SS18: variants seen among roughly 807,000 people sequenced by gnomAD.
SS18 encodes protein SSXT.
Under a neutral mutation model 72.5 loss-of-function variants are expected in SS18, and 28 were observed. That is an observed-to-expected ratio of 0.39 (90% CI 0.29 to 0.53). The LOEUF (loss-of-function observed/expected upper bound fraction) is 0.53, where lower values mean the gene tolerates loss of function less well. Ranked by LOEUF, SS18 falls within the 20% of genes least tolerant of loss-of-function variation. The pLI is 0.76. For synonymous variants in SS18, 172 were observed against 164.2 expected (o/e 1.05, Z -0.37); for missense variants, 518 against 535.3 (o/e 0.97, Z 0.32).
intron 4 of SS18, among the ~76,000 whole-genome samples, chr18:26,054,161 GAAT>G: frequency 6.6e-6 from 1 of 151,830 alleles, no homozygotes; most frequent in Non-Finnish European, 1.5e-5. Context: ...GTTGTTTAGG[GAAT>G]AATGACAAGA....
chr18:26,059,293 T>C (rs1488349284), intron 3 of SS18, among the ~76,000 whole-genome samples: 1 of 152,160 alleles, frequency 6.6e-6, no homozygotes, highest in African/African-American at 2.4e-5. Flanking sequence ...CACAATTATC[T>C]TGGCTTTTTC....
intron 2 of SS18, among the ~76,000 whole-genome samples, chr18:26,082,070 C>CA (rs1025031587): frequency 6.9e-6 from 1 of 145,406 alleles, no homozygotes; most frequent in Admixed American, 6.8e-5. Context: ...AAAAACAAAA[C>CA]AAAAAAAAAG....
intron 3 of SS18, among the ~76,000 whole-genome samples, chr18:26,059,547 G>C (rs1249611314): frequency 6.6e-6 from 1 of 152,180 alleles, no homozygotes; most frequent in Non-Finnish European, 1.5e-5. Flanking sequence ...ACAAAGACTG[G>C]AGTGTAGGCC....
rs1215496285 is a variant in SS18 at position 26,017,628 on chromosome 18, C to A, written c.*726G>T. On this transcript the variant is annotated 3_prime_UTR_variant, in exon 11 of 11. Transcript: ENST00000415083. Reference sequence around the variant, plus strand: ...ATTTTAAAACAGTATTATAAATGATCTTTATAAAAAGGTTTAATCCACAAA... The same window carrying A: ...ATTTTAAAACAGTATTATAAATGATATTTATAAAAAGGTTTAATCCACAAA... The A allele has an allele frequency of 9.7e-6, 2 of 205,526 alleles. No individual in the cohort carries two copies. Among genetic ancestry groups the A allele is most frequent in the African/African-American group, 4.6e-5 (2 of 43,840 alleles). 12.7% of individuals were successfully genotyped at this position (205,526 alleles called of 1,614,324 possible).
intron 5 of SS18, among the ~76,000 whole-genome samples, chr18:26,051,956 C>G (rs1421708920): frequency 6.7e-6 from 1 of 149,734 alleles, no homozygotes; most frequent in Non-Finnish European, 1.5e-5. Context: ...TTAATTCTAT[C>G]TTACAGTCTT....
intron 2 of SS18, chr18:26,085,887 G>T (rs1341107284): frequency 1.3e-5 from 2 of 152,040 alleles, no homozygotes; most frequent in African/African-American, 4.8e-5. Context: ...ACAAAGCAAG[G>T]GCCAAGGTTG....
At chr18:26,083,519 AG>A (rs1450304058) in intron 2 of SS18, among the ~76,000 whole-genome samples, 1 of 152,174 alleles carries the variant, frequency 6.6e-6, no homozygotes, top group African/African-American at 2.4e-5. Context: ...CTACACACCT[AG>A]GCTATACAGT....
intron 10 of SS18, among the ~76,000 whole-genome samples, chr18:26,020,113 G>A (rs1270623043): frequency 1.3e-5 from 2 of 152,104 alleles, no homozygotes; most frequent in Non-Finnish European, 2.9e-5. Flanking sequence ...TAGCATACTG[G>A]AGCTTATTAT....
At chr18:26,043,586 C>G (rs554979514) in intron 5 of SS18, among the ~76,000 whole-genome samples, 4 of 152,260 alleles carry the variant, frequency 2.6e-5, no homozygotes, top group Admixed American at 2.6e-4. Context: ...TTACTATCTG[C>G]TTAAATAGCT....
chr18:26,018,287 T>G lies in SS18; in HGVS notation c.*67A>C. 7.6e-7 allele frequency: 1 copy of G among 1,320,154 alleles called. No homozygotes were observed. Among genetic ancestry groups the G allele is most frequent in the Non-Finnish European group, 1.1e-6 (1 of 929,896 alleles). The allele number at this position is 1,320,154 out of a possible 1,614,324, so 81.8% of individuals were successfully genotyped here. On this transcript the variant is annotated 3_prime_UTR_variant, in exon 11 of 11. Coordinates refer to ENST00000415083, the MANE Select transcript of SS18 (RefSeq NM_001007559.3). ...ATGGAAGGATCTCTTCACAGGGAGG[T>G]GTCCACAGTGCTGAGGTGACAATAT...
intron 4 of SS18, among the ~76,000 whole-genome samples, chr18:26,056,838 G>C (rs1165298139): frequency 6.6e-6 from 1 of 152,162 alleles, no homozygotes; most frequent in Non-Finnish European, 1.5e-5. Flanking sequence ...GCCATGGGTT[G>C]ATGCTACTGT....
chr18:26,081,383 G>A (rs1425917312), intron 2 of SS18: 1 of 152,076 alleles, frequency 6.6e-6, no homozygotes, highest in Non-Finnish European at 1.5e-5. Flanking sequence ...TAGAGATGGG[G>A]TTTCACCATG....
At chr18:26,019,670 G>C (rs534425544) in intron 10 of SS18, among the ~76,000 whole-genome samples, 12 of 151,824 alleles carry the variant, frequency 7.9e-5, no homozygotes, top group Non-Finnish European at 1.6e-4. Flanking sequence ...AATTAGCTGG[G>C]CGTGGTGGCG....
chr18:26,035,881 T>C lies in SS18; in HGVS notation c.923A>G (p.Gln308Arg). 2 of 1,602,978 alleles carry C rather than the reference T, an allele frequency of 1.2e-6. No homozygotes were observed. The highest frequency in any genetic ancestry group is 1.7e-6 in the Non-Finnish European group (2 of 1,173,526). ...YGYQQPSYPE[Q>R]GYDRPYEDSS... ...ATCCTCATAAGGCCTATCGTAGCCT[T>C]GTTCAGGATACGACGGTTGCTGATA... The change falls in exon 8 of 11, where the codon CAA (glutamine) becomes CGA (arginine). Residue 308 changes from glutamine (Q) to arginine (R), a missense_variant. Coordinates refer to ENST00000415083, the MANE Select transcript of SS18 (RefSeq NM_001007559.3). This position sits in a 1 kb window ranked among gnomAD's most constrained non-coding sequence, Gnocchi z 4.4.
chr18:26,055,886 T>C (rs543947806), intron 4 of SS18, among the ~76,000 whole-genome samples: 1 of 151,756 alleles, frequency 6.6e-6, no homozygotes, highest in Admixed American at 6.6e-5. Flanking sequence ...GCCTCCTGAG[T>C]AGCTGGGATT....
chr18:26,017,075 G>A lies in SS18; in HGVS notation c.*1279C>T, dbSNP rs140770667. The A allele has an allele frequency of 8.6e-5, 19 of 220,400 alleles. No individual in the cohort carries two copies. In the South Asian group the frequency reaches 9.2e-4, roughly 11 times the overall value. The allele number at this position is 220,400 out of a possible 1,614,324, so 13.7% of individuals were successfully genotyped here. ...TTCAATGCATGCTTTCCTGCCCCAC[G>A]CAATCTCCCTGAATTTAGCTAAAAT... On this transcript the variant is annotated 3_prime_UTR_variant, in exon 11 of 11. Coordinates refer to ENST00000415083, the MANE Select transcript of SS18 (RefSeq NM_001007559.3).
intron 2 of SS18, chr18:26,085,965 G>A (rs2054608065): frequency 6.6e-6 from 1 of 151,978 alleles, no homozygotes. Flanking sequence ...CCCAAAACAA[G>A]GGTGAGAATA....
chr18:26,090,464 G>GT (rs1568039271), intron 1 of SS18, 37 bp downstream of exon 1: 4 of 1,548,910 alleles, frequency 2.6e-6, no homozygotes, highest in Middle Eastern at 1.9e-4. Flanking sequence ...CCCAGAGGCG[G>GT]TAAGGGCCTG....
At chr18:26,075,338 A>G (rs2054392692) in intron 3 of SS18, among the ~76,000 whole-genome samples, 1 of 151,932 alleles carries the variant, frequency 6.6e-6, no homozygotes, top group African/African-American at 2.4e-5. Flanking sequence ...ATTTTAACAA[A>G]CTGAATATCG....
Sources: allele counts gnomAD v4.1 joint callset (sites outside exome capture counted in the v4.1 genomes callset), GRCh38; gene constraint gnomAD v4.1.1; non-coding constraint Gnocchi (gnomAD v3.1); transcripts MANE v1.5; gene names NCBI Gene and HGNC (gene_info 2026-07-23, HGNC 2026-07-21).